The following GABBR2 variants were observed in gnomAD, a reference collection of about 807,000 sequenced individuals.
GABBR2 encodes the protein G-protein coupled receptor 51.
In GABBR2, 23 loss-of-function variants were observed where a neutral mutation model predicts 105.6. The ratio of observed to expected loss-of-function variants is 0.22; its 90% confidence interval spans 0.16 to 0.31. The LOEUF (loss-of-function observed/expected upper bound fraction) is 0.31. Among genes scored for constraint, GABBR2 ranks in the 10% least tolerant of loss-of-function variants. The pLI is 1.00. For synonymous variants in GABBR2, 478 were observed against 499.7 expected (o/e 0.96, Z 0.58); for missense variants, 734 against 1,245.5 (o/e 0.59, Z 6.18).
At chr9:98,313,282 G>A (rs1247882880) in intron 13 of GABBR2, among the ~76,000 whole-genome samples, 1 of 152,152 alleles carries the variant, frequency 6.6e-6, no homozygotes, top group Non-Finnish European at 1.5e-5. Context: ...TCTCCAAGGA[G>A]TCCTTGTTCT....
intron 1 of GABBR2, among the ~76,000 whole-genome samples, chr9:98,628,877 C>T (rs947689312): frequency 3.9e-5 from 6 of 152,178 alleles, no homozygotes; most frequent in East Asian, 1.9e-4. Flanking sequence ...CATGCACGCG[C>T]GTGCACCTAC....
intron 11 of GABBR2, among the ~76,000 whole-genome samples, chr9:98,379,743 T>A (rs1325122129): frequency 6.6e-6 from 1 of 152,204 alleles, no homozygotes; most frequent in East Asian, 1.9e-4. Context: ...ACATACATGA[T>A]CTCATTTAAT....
At chr9:98,521,173 G>A (rs1316441090) in intron 3 of GABBR2, among the ~76,000 whole-genome samples, 2 of 152,180 alleles carry the variant, frequency 1.3e-5, no homozygotes, top group Admixed American at 1.3e-4. Context: ...TAAAAATAGG[G>A]GGGAATCTGC....
At chr9:98,376,579 G>A (rs886576386) in intron 11 of GABBR2, among the ~76,000 whole-genome samples, 5 of 152,198 alleles carry the variant, frequency 3.3e-5, no homozygotes, top group Non-Finnish European at 5.9e-5. Flanking sequence ...TGAGGTATGA[G>A]GTGGGGAAGC....
At chr9:98,637,128 T>C (rs989753224) in intron 1 of GABBR2, among the ~76,000 whole-genome samples, 6 of 152,174 alleles carry the variant, frequency 3.9e-5, no homozygotes, top group African/African-American at 1.4e-4. Flanking sequence ...GAAAACTTCC[T>C]CCTGTGCCCA....
chr9:98,433,101 T>C (rs1185372014), intron 7 of GABBR2, among the ~76,000 whole-genome samples: 1 of 152,210 alleles, frequency 6.6e-6, no homozygotes, highest in Non-Finnish European at 1.5e-5. Flanking sequence ...CTGAAGCAGC[T>C]CTTCATAAGC....
At chr9:98,635,843 C>T (rs117199433) in intron 1 of GABBR2, among the ~76,000 whole-genome samples, 2,890 of 152,262 alleles carry the variant, frequency 0.019, 46 homozygotes, top group Non-Finnish European at 0.03. Context: ...TGTGTTTTCC[C>T]ATGAGACTGG....
At chr9:98,432,819 C>T (rs1182812167) in intron 7 of GABBR2, among the ~76,000 whole-genome samples, 1 of 152,154 alleles carries the variant, frequency 6.6e-6, no homozygotes, top group East Asian at 1.9e-4. Flanking sequence ...CACGTGAGGC[C>T]CACTGACTGT....
intron 1 of GABBR2, among the ~76,000 whole-genome samples, chr9:98,590,653 T>G (rs1216376042): frequency 1.3e-5 from 2 of 152,120 alleles, no homozygotes; most frequent in African/African-American, 4.8e-5. Flanking sequence ...TCTCCGGGGG[T>G]GGGGGCTGGA....
intron 2 of GABBR2, among the ~76,000 whole-genome samples, chr9:98,560,445 A>G (rs536585019): frequency 7.2e-6 from 1 of 137,950 alleles, no homozygotes; most frequent in Admixed American, 7.8e-5. Flanking sequence ...ACACACATAC[A>G]CACACACACA....
At chr9:98,529,153 A>G (rs1019254590) in intron 3 of GABBR2, among the ~76,000 whole-genome samples, 1 of 147,534 alleles carries the variant, frequency 6.8e-6, no homozygotes, top group Non-Finnish European at 1.5e-5. Context: ...GGCCAAAAAA[A>G]TGTTAAGAAA....
chr9:98,508,299 G>A (rs541910336), intron 3 of GABBR2, among the ~76,000 whole-genome samples: 135 of 152,302 alleles, frequency 8.9e-4, no homozygotes, highest in African/African-American at 2.7e-3. Flanking sequence ...CAAGATGGCC[G>A]AATAGGAACA....
chr9:98,418,325 C>A (rs1240827516), intron 7 of GABBR2, among the ~76,000 whole-genome samples: 1 of 152,000 alleles, frequency 6.6e-6, no homozygotes, highest in Admixed American at 6.5e-5. Flanking sequence ...TTGCTTGAGC[C>A]TGGAGTTCAA....
At chr9:98,391,215 G>GA (rs1832174610) in intron 9 of GABBR2, among the ~76,000 whole-genome samples, 1 of 152,068 alleles carries the variant, frequency 6.6e-6, no homozygotes, top group Non-Finnish European at 1.5e-5. Context: ...TAGGAAAAAA[G>GA]AAAAAAGCAC....
At chr9:98,638,057 T>A (rs1254190672) in intron 1 of GABBR2, among the ~76,000 whole-genome samples, 1 of 152,202 alleles carries the variant, frequency 6.6e-6, no homozygotes, top group African/African-American at 2.4e-5. Flanking sequence ...CCCGGGGTCA[T>A]ACAGACAGAG....
At chr9:98,597,792 C>T (rs1051798466) in intron 1 of GABBR2, among the ~76,000 whole-genome samples, 1 of 152,056 alleles carries the variant, frequency 6.6e-6, no homozygotes, top group African/African-American at 2.4e-5. Flanking sequence ...AGAGAGTATT[C>T]ACTTATAAGT....
rs968176642 is a variant in GABBR2, at chr9:98,293,802, A to G, written c.2643T>C (p.Asp881=). ...PSRTCKDPIE[D]INSPEHIQRR... ...GTACTTACTGTTCTGGAGAGTTTAT[A>G]TCTTCTATAGGATCTTTGCATGTTC... is the stretch of plus-strand genomic sequence containing the variant. Residue 881 remains aspartate, a synonymous_variant, in exon 18 of 19, where the codon GAT becomes GAC. Transcript: ENST00000259455. 1.9e-6 allele frequency: 3 copies of G among 1,574,606 alleles called. No homozygotes were observed. The highest frequency in any genetic ancestry group is 1.7e-5 in the Admixed American group (1 of 59,904).
At chr9:98,399,479 C>T (rs1032442566) in intron 8 of GABBR2, among the ~76,000 whole-genome samples, 6 of 152,106 alleles carry the variant, frequency 3.9e-5, no homozygotes, top group African/African-American at 1.4e-4. Flanking sequence ...ACTTATCACG[C>T]ATCACACTTT....
chr9:98,690,795 C>A (rs547933423), intron 1 of GABBR2, among the ~76,000 whole-genome samples: 1 of 152,316 alleles, frequency 6.6e-6, no homozygotes, highest in Admixed American at 6.5e-5. Flanking sequence ...GTCCTAGGGA[C>A]CAACTGTGTG....
Sources: allele counts gnomAD v4.1 joint callset (sites outside exome capture counted in the v4.1 genomes callset), GRCh38; gene constraint gnomAD v4.1.1; transcripts MANE v1.5; gene names NCBI Gene and HGNC (gene_info 2026-07-23, HGNC 2026-07-21).